Variants in ACAD10 observed in about 807,000 individuals in gnomAD.
ACAD10 encodes the protein ACAD-10.
A neutral mutation model predicts 116.8 loss-of-function variants in ACAD10; 112 were observed. That is an observed-to-expected ratio of 0.96 (90% CI 0.82 to 1.12). The LOEUF is 1.12. ACAD10 is among the 50% of genes most tolerant of loss of function. The pLI, the probability that ACAD10 is intolerant of heterozygous loss-of-function variation, is 0.00. For synonymous variants in ACAD10, 486 were observed against 510.6 expected (o/e 0.95, Z 0.65); for missense variants, 1,259 against 1,350.2 (o/e 0.93, Z 1.06).
chr12:111,687,142 A>G (rs1887889143), intron 1 of ACAD10, among the ~76,000 whole-genome samples: 1 of 152,166 alleles, frequency 6.6e-6, no homozygotes, highest in Admixed American at 6.6e-5. Flanking sequence ...TTGTATAATG[A>G]TACATATGTA....
intron 13 of ACAD10, chr12:111,745,502 G>A (rs372819162): frequency 5.5e-5 from 11 of 198,980 alleles, no homozygotes; most frequent in South Asian, 5.3e-4. Context: ...TCCTTATCAC[G>A]TGAACCTTGG....
intron 8 of ACAD10, among the ~76,000 whole-genome samples, chr12:111,724,292 C>G (rs985339395): frequency 6.6e-6 from 1 of 151,846 alleles, no homozygotes; most frequent in Non-Finnish European, 1.5e-5. Context: ...GGGATGGCGG[C>G]GGGGCGGAGA....
intron 11 of ACAD10, among the ~76,000 whole-genome samples, chr12:111,734,384 T>C (rs996051229): frequency 1.3e-5 from 2 of 152,176 alleles, no homozygotes; most frequent in African/African-American, 4.8e-5. Context: ...TCCCAGCACG[T>C]TGGGAGGCCA....
Position 111,756,328 on chromosome 12 carries a change from G to A in ACAD10, c.3040-5G>A, listed in dbSNP as rs759337567. On this transcript the variant is annotated splice_region_variant and splice_polypyrimidine_tract_variant and intron_variant, in intron 20 of 20. Coordinates refer to ENST00000313698, the MANE Select transcript of ACAD10 (RefSeq NM_025247.6). ...GGCCGCCTCCCTCCACTCTGTGTCT[G>A]CCAGGCCTTTGGAGCAGCAGGCCTG... 31 of 1,595,470 alleles carry A rather than the reference G, an allele frequency of 1.9e-5. No homozygotes were observed. The highest frequency in any genetic ancestry group is 1.7e-4 in the Middle Eastern group (1 of 5,868).
At chr12:111,693,389 T>C (rs1367266268) in intron 2 of ACAD10, among the ~76,000 whole-genome samples, 9 of 151,976 alleles carry the variant, frequency 5.9e-5, no homozygotes, top group African/African-American at 1.9e-4. Flanking sequence ...AATTTAAAAA[T>C]TATCTGGGCA....
intron 8 of ACAD10, among the ~76,000 whole-genome samples, chr12:111,723,149 C>A (rs1243806518): frequency 1.5e-4 from 21 of 144,134 alleles, no homozygotes; most frequent in Non-Finnish European, 3.1e-5. Flanking sequence ...GGGGGCTGAC[C>A]CCCCCACCTC....
chr12:111,699,784 G>T (rs1477233498), intron 2 of ACAD10, among the ~76,000 whole-genome samples: 1 of 151,964 alleles, frequency 6.6e-6, no homozygotes, highest in Non-Finnish European at 1.5e-5. Flanking sequence ...GCTGGGCATG[G>T]TAGCACGCAC....
At chr12:111,710,181 C>T (rs946795805) in intron 5 of ACAD10, 16 of 391,014 alleles carry the variant, frequency 4.1e-5, no homozygotes, top group East Asian at 2.8e-4. Flanking sequence ...CCTCAACCTC[C>T]TGGGCTTAAG....
chr12:111,741,035 T>C (rs1889726978), intron 12 of ACAD10, among the ~76,000 whole-genome samples: 1 of 152,024 alleles, frequency 6.6e-6, no homozygotes, highest in Admixed American at 6.6e-5. Flanking sequence ...TATGAGCCTC[T>C]ACTAAAAGCC....
chr12:111,727,301 G>C lies in ACAD10; in HGVS notation c.1062-661G>C, dbSNP rs1016494429. Among the ~76,000 whole-genome samples, 29 of 151,916 alleles carry C rather than the reference G, an allele frequency of 1.9e-4. 2 individuals are homozygous for C. The highest frequency in any genetic ancestry group is 3.4e-3 in the Middle Eastern group (1 of 294). On this transcript the variant is annotated intron_variant, in intron 8 of 20. Transcript: ENST00000313698. ...CCACTTTGGGAGGCCAAGGCGGGTG[G>C]ATCACGAGGTCAGGAGATCAAGACC... is the stretch of plus-strand genomic sequence containing the variant.
At position 111,728,002 on chromosome 12, in the gene ACAD10, GGT is replaced by G. The variant is rs771000015; in HGVS notation, c.1103_1104del (p.Gly368AlafsTer41). ...CTTCTATGTGATGGAGTACTGCCCA[GGT>G]CTCATCTACAAAGACCCTTCCCTGC... The part of the protein sequence containing the change: ...TPFYVMEYCP[G>X]LIYKDPSLPG... On this transcript the variant is annotated frameshift_variant, in exon 9 of 21. Coordinates refer to ENST00000313698, the MANE Select transcript of ACAD10 (RefSeq NM_025247.6). LOFTEE classifies it high-confidence loss of function. 3.7e-6 allele frequency: 6 copies of G among 1,613,926 alleles called. No homozygotes were observed. Among genetic ancestry groups the G allele is most frequent in the Non-Finnish European group, 4.2e-6 (5 of 1,179,930 alleles).
At chr12:111,703,780 G>A (rs1888417976) in intron 3 of ACAD10, among the ~76,000 whole-genome samples, 1 of 152,002 alleles carries the variant, frequency 6.6e-6, no homozygotes, top group African/African-American at 2.4e-5. Context: ...AGAGGTTACA[G>A]TGAGCCAGGA....
At chr12:111,737,105 G>A in intron 12 of ACAD10, 101 bp downstream of exon 12, 1 of 1,130,480 alleles carries the variant, frequency 8.8e-7, no homozygotes, top group Non-Finnish European at 1.2e-6. Flanking sequence ...GCTTTGGAGA[G>A]ACCGATTTGG....
intron 2 of ACAD10, chr12:111,693,111 G>A (rs142910803): frequency 3.8e-4 from 216 of 573,700 alleles, no homozygotes; most frequent in African/African-American, 2.8e-3. Context: ...CATTAAATGA[G>A]CTAATGGTAG....
chr12:111,700,814 G>A (rs1342524842), intron 2 of ACAD10, among the ~76,000 whole-genome samples: 1 of 144,924 alleles, frequency 6.9e-6, no homozygotes, highest in African/African-American at 2.6e-5. Context: ...GCTGCAGTGC[G>A]GTGGCACCAT....
At chr12:111,745,779 C>T (rs965014097) in intron 13 of ACAD10, 4 of 165,238 alleles carry the variant, frequency 2.4e-5, no homozygotes, top group African/African-American at 4.8e-5. Flanking sequence ...CTTTGTGATC[C>T]GCCCGCCTCG....
intron 17 of ACAD10, 187 bp downstream of exon 17, chr12:111,748,662 C>A: frequency 1.4e-6 from 1 of 700,702 alleles, no homozygotes; most frequent in Non-Finnish European, 2.3e-6. Context: ...GGATTTCAGA[C>A]AGGCATTTAT....
chr12:111,702,887 A>T (rs748573159), intron 3 of ACAD10, among the ~76,000 whole-genome samples: 2 of 151,404 alleles, frequency 1.3e-5, no homozygotes, highest in Non-Finnish European at 2.9e-5. Context: ...TGAACTCTGG[A>T]GTTTGAGACC....
chr12:111,704,640 T>G lies in ACAD10; in HGVS notation c.337-1098T>G, dbSNP rs1007142024. Among the ~76,000 whole-genome samples, 2 of 152,078 alleles carry G rather than the reference T, an allele frequency of 1.3e-5. 1 individual carries two copies. Among genetic ancestry groups the G allele is most frequent in the South Asian group, 4.1e-4 (2 of 4,832 alleles). Reference sequence around the variant, plus strand: ...AAAACAGCAGACTTGCCTTTGCAGATTTTGAAATGTGATAATATAAGAGTT... The same window carrying G: ...AAAACAGCAGACTTGCCTTTGCAGAGTTTGAAATGTGATAATATAAGAGTT... On this transcript the variant is annotated intron_variant, in intron 3 of 20. Coordinates refer to ENST00000313698, the MANE Select transcript of ACAD10 (RefSeq NM_025247.6).
Sources: allele counts gnomAD v4.1 joint callset (sites outside exome capture counted in the v4.1 genomes callset), GRCh38; gene constraint gnomAD v4.1.1; transcripts MANE v1.5; gene names NCBI Gene and HGNC (gene_info 2026-07-23, HGNC 2026-07-21).